MYO1E: variants seen among roughly 807,000 people sequenced by gnomAD.
The protein encoded by MYO1E is unconventional myosin-Ie.
MYO1E carries 68 observed loss-of-function variants against 151.1 expected under a neutral mutation model. That is an observed-to-expected ratio of 0.45 (90% CI 0.37 to 0.55). The LOEUF (loss-of-function observed/expected upper bound fraction) is 0.55, where lower values mean the gene tolerates loss of function less well. MYO1E is among the 20% of genes least tolerant of loss of function. The pLI is 0.00. For synonymous variants in MYO1E, 601 were observed against 501.7 expected, an observed-to-expected ratio of 1.20 and a Z score of -2.64; for missense variants, 1,363 against 1,389.3, an observed-to-expected ratio of 0.98 and a Z score of 0.30.
chr15:59,315,713 G>A (rs2080584435), intron 1 of MYO1E, among the ~76,000 whole-genome samples: 1 of 152,172 alleles, frequency 6.6e-6, no homozygotes, highest in Non-Finnish European at 1.5e-5. Flanking sequence ...TATGTGCAAT[G>A]ATTAGTTAAA....
At chr15:59,314,594 G>A (rs2080574148) in intron 1 of MYO1E, among the ~76,000 whole-genome samples, 1 of 151,926 alleles carries the variant, frequency 6.6e-6, no homozygotes, top group Admixed American at 6.6e-5. Flanking sequence ...AGTGGTCAGT[G>A]GCTTAGGCTC....
At chr15:59,150,850 G>A (rs188381260) in intron 26 of MYO1E, among the ~76,000 whole-genome samples, 47 of 152,168 alleles carry the variant, frequency 3.1e-4, no homozygotes, top group Admixed American at 2.6e-4. Context: ...TCAGAAACGC[G>A]GAAAGTGGGC....
chr15:59,275,414 T>A (rs1453670019), intron 1 of MYO1E, among the ~76,000 whole-genome samples: 1 of 152,012 alleles, frequency 6.6e-6, no homozygotes, highest in African/African-American at 2.4e-5. Flanking sequence ...TCTTCCGCCC[T>A]CCCTCCCTGT....
In MYO1E at chr15:59,195,493, T is replaced by C; in HGVS notation, c.1773A>G (p.Glu591=). 1.2e-6 allele frequency: 2 copies of C among 1,614,058 alleles called. No homozygotes were observed. Among genetic ancestry groups the C allele is most frequent in the Non-Finnish European group, 1.7e-6 (2 of 1,179,964 alleles). Residue 591 remains glutamate (E), a synonymous_variant, in exon 17 of 28, where the codon GAA becomes GAG. Transcript: ENST00000288235. Reference sequence around the variant, plus strand: ...CCTCCCAGTCTCTGGGCTTCTTGGTTTCGTTTGGCTTGATGCAGCGAATGT... The same window carrying C: ...CCTCCCAGTCTCTGGGCTTCTTGGTCTCGTTTGGCTTGATGCAGCGAATGT... ...PHYIRCIKPN[E]TKKPRDWEES... is the part of the protein sequence containing the mutation.
rs965779528 is a variant in MYO1E, at chr15:59,132,794, T to C, written c.*4586A>G. On this transcript the variant is annotated 3_prime_UTR_variant, in exon 28 of 28. Transcript: ENST00000288235. ...TGCTAAGTAAAGTATGCCAAGCACT[T>C]AGTATAGCTTCTAGTGTGAAGAAGA... 5 of 152,210 alleles carry C rather than the reference T, an allele frequency of 3.3e-5. No homozygotes were observed. Among genetic ancestry groups the C allele is most frequent in the Non-Finnish European group, 2.9e-5 (2 of 68,038 alleles). 9.4% of individuals were successfully genotyped at this position (152,210 alleles called of 1,614,324 possible). A position where few individuals can be genotyped will look rare whatever the true frequency, so the allele number is the denominator to read the frequency against.
intron 1 of MYO1E, among the ~76,000 whole-genome samples, chr15:59,285,668 A>C (rs2080383675): frequency 6.6e-6 from 1 of 152,218 alleles, no homozygotes; most frequent in South Asian, 2.1e-4. Flanking sequence ...CTTTAAAAAA[A>C]ATAATAAAAT....
intron 5 of MYO1E, among the ~76,000 whole-genome samples, chr15:59,232,962 A>G (rs1348592365): frequency 6.6e-6 from 1 of 152,288 alleles, no homozygotes; most frequent in Non-Finnish European, 1.5e-5. Flanking sequence ...ACCAAGGGCA[A>G]TTCTGGGTGG....
chr15:59,246,386 G>T (rs867262907), intron 4 of MYO1E, among the ~76,000 whole-genome samples: 4 of 152,216 alleles, frequency 2.6e-5, no homozygotes, highest in Non-Finnish European at 5.9e-5. Flanking sequence ...TTACAGGCGT[G>T]AGCCACCATG....
intron 16 of MYO1E, among the ~76,000 whole-genome samples, chr15:59,199,069 G>T (rs971461432): frequency 2.0e-5 from 3 of 152,054 alleles, no homozygotes; most frequent in Non-Finnish European, 4.4e-5. Flanking sequence ...TTCGGATTTT[G>T]GATTTTTTCA....
At chr15:59,207,961 C>T (rs752489573) in intron 14 of MYO1E, 7 of 1,613,936 alleles carry the variant, frequency 4.3e-6, no homozygotes, top group African/African-American at 1.3e-5. Context: ...CCTCAGTATT[C>T]CTTGTATCCT....
chr15:59,305,354 C>A (rs773305079), intron 1 of MYO1E, among the ~76,000 whole-genome samples: 2 of 152,036 alleles, frequency 1.3e-5, no homozygotes, highest in Non-Finnish European at 2.9e-5. Context: ...CCACCATGCC[C>A]GGCTAATTTT....
intron 1 of MYO1E, among the ~76,000 whole-genome samples, chr15:59,293,633 A>T (rs2080432524): frequency 6.6e-6 from 1 of 152,224 alleles, no homozygotes; most frequent in Non-Finnish European, 1.5e-5. Flanking sequence ...CTAAAATATT[A>T]AGCCCCTAAC....
chr15:59,282,294 C>T (rs114011137), intron 1 of MYO1E, among the ~76,000 whole-genome samples: 1,756 of 152,278 alleles, frequency 0.012, 31 homozygotes, highest in African/African-American at 0.037. Flanking sequence ...CACTTTCCAT[C>T]AGGGCTCCCA....
chr15:59,351,753 A>G (rs2080824672), intron 1 of MYO1E, among the ~76,000 whole-genome samples: 1 of 152,156 alleles, frequency 6.6e-6, no homozygotes, highest in Non-Finnish European at 1.5e-5. Flanking sequence ...TGGAAATGGC[A>G]GGAGCAAGGC....
chr15:59,187,363 G>A (rs2079704762), intron 18 of MYO1E, among the ~76,000 whole-genome samples: 1 of 152,164 alleles, frequency 6.6e-6, no homozygotes, highest in Admixed American at 6.5e-5. Flanking sequence ...TTTGCCATCT[G>A]GGAAATGCAA....
At chr15:59,307,968 G>A (rs1176183328) in intron 1 of MYO1E, among the ~76,000 whole-genome samples, 1 of 149,736 alleles carries the variant, frequency 6.7e-6, no homozygotes, top group Non-Finnish European at 1.5e-5. Flanking sequence ...TGTAATCCCA[G>A]CACTTGGGGA....
At chr15:59,310,469 G>A (rs1448932276) in intron 1 of MYO1E, among the ~76,000 whole-genome samples, 1 of 152,134 alleles carries the variant, frequency 6.6e-6, no homozygotes, top group Non-Finnish European at 1.5e-5. Flanking sequence ...ACAGACACAG[G>A]GAGAAGGTCA....
chr15:59,141,044 T>C (rs1376742378), intron 26 of MYO1E, among the ~76,000 whole-genome samples: 1 of 152,214 alleles, frequency 6.6e-6, no homozygotes, highest in Non-Finnish European at 1.5e-5. Flanking sequence ...AGGTTTTTAA[T>C]TAAGCACCCT....
At chr15:59,246,185 T>C (rs935361681) in intron 4 of MYO1E, among the ~76,000 whole-genome samples, 9 of 152,318 alleles carry the variant, frequency 5.9e-5, no homozygotes, top group Middle Eastern at 6.8e-3. Flanking sequence ...TGGTGCCATC[T>C]TGGCTCACTG....
Sources: gnomAD v4.1 joint callset for allele counts (sites outside exome capture counted in the v4.1 genomes callset) on GRCh38, gnomAD v4.1.1 for gene constraint, MANE v1.5 for transcripts, NCBI Gene and HGNC (gene_info 2026-07-23, HGNC 2026-07-21) for gene names.